Variants in ZFPM2 observed in about 807,000 individuals in gnomAD.
The protein encoded by ZFPM2 is zinc finger protein, FOG family member 2, also known as zinc finger protein ZFPM2.
A neutral mutation model predicts 98.6 loss-of-function variants in ZFPM2; 20 were observed. The ratio of observed to expected loss-of-function variants is 0.20; its 90% CI spans 0.14 to 0.29. The LOEUF is 0.29. Among genes scored for constraint, ZFPM2 ranks in the 10% least tolerant of loss-of-function variants. The probability of loss-of-function intolerance (pLI) is 1.00; values close to 1 mark genes in which losing one functional copy is unlikely to be tolerated. For synonymous variants in ZFPM2, 518 were observed against 502.7 expected, an observed-to-expected ratio of 1.03 and a Z score of -0.41; for missense variants, 1,310 against 1,388.6, an observed-to-expected ratio of 0.94 and a Z score of 0.90.
intron 5 of ZFPM2, among the ~76,000 whole-genome samples, chr8:105,696,714 TTTAAA>T (rs1811026862): frequency 6.6e-6 from 1 of 152,188 alleles, no homozygotes; most frequent in Non-Finnish European, 1.5e-5. Context: ...GAAAGACAAC[TTTAAA>T]TTATATTTCT....
intron 3 of ZFPM2, among the ~76,000 whole-genome samples, chr8:105,557,270 A>T (rs1332779698): frequency 6.6e-6 from 1 of 152,050 alleles, no homozygotes; most frequent in Non-Finnish European, 1.5e-5. Context: ...TTGTATTACC[A>T]TATACAAGGT....
At chr8:105,728,727 TTAAA>T (rs1440048380) in intron 5 of ZFPM2, among the ~76,000 whole-genome samples, 34 of 151,938 alleles carry the variant, frequency 2.2e-4, no homozygotes, top group Middle Eastern at 6.8e-3. Flanking sequence ...TATTTCATAT[TTAAA>T]TAGAGTCTTC....
rs1811953961 is a variant in ZFPM2, at chr8:105,318,698, C to G, written c.-244C>G. 1 of 151,962 alleles carries G rather than the reference C, an allele frequency of 6.6e-6. No individual in the cohort carries two copies. Among genetic ancestry groups the G allele is most frequent in the African/African-American group, 2.4e-5 (1 of 41,338 alleles). The allele number at this position is 151,962 out of a possible 1,614,324, so 9.4% of individuals were successfully genotyped here. Reference sequence around the variant, plus strand: ...TTCTCCCCCCGTCGCTCTCCTCTCCCCCTCCCCTCCTCACTGTCACACTCT... The same window carrying G: ...TTCTCCCCCCGTCGCTCTCCTCTCCGCCTCCCCTCCTCACTGTCACACTCT... On this transcript the variant is annotated 5_prime_UTR_variant, in exon 1 of 8. Transcript: ENST00000407775.
At chr8:105,549,594 CCTCTATCT>C (rs1458062786) in intron 3 of ZFPM2, among the ~76,000 whole-genome samples, 2 of 140,662 alleles carry the variant, frequency 1.4e-5, no homozygotes, top group African/African-American at 5.3e-5. Flanking sequence ...TTCTTTCCTT[CCTCTATCT>C]CTCTCTCTCT....
intron 3 of ZFPM2, among the ~76,000 whole-genome samples, chr8:105,559,671 G>A (rs1563719396): frequency 6.6e-6 from 1 of 151,926 alleles, no homozygotes; most frequent in Non-Finnish European, 1.5e-5. Context: ...TGGTTTTCAG[G>A]ATAAGCAATA....
At chr8:105,462,611 A>G (rs968736640) in intron 3 of ZFPM2, among the ~76,000 whole-genome samples, 5 of 152,132 alleles carry the variant, frequency 3.3e-5, no homozygotes, top group African/African-American at 1.2e-4. Flanking sequence ...TGGGAGTGCT[A>G]TATATATGCT....
chr8:105,694,447 A>T lies in ZFPM2; in HGVS notation c.532+60090A>T, dbSNP rs560875840. 6.6e-5 allele frequency among the ~76,000 whole-genome samples: 10 copies of T among 152,292 alleles called. No homozygotes were observed. In the South Asian group the frequency reaches 1.9e-3, roughly 28 times the overall value. The stretch of plus-strand genomic sequence containing the variant: ...AAATGTGGCTAATTTTTCTTGAATC[A>T]TTCTACCATAAAAATATCGAGCAAG... On this transcript the variant is annotated intron_variant, in intron 5 of 7. Coordinates refer to ENST00000407775, the MANE Select transcript of ZFPM2 (RefSeq NM_012082.4).
chr8:105,800,045 A>G (rs1373255670), intron 7 of ZFPM2, among the ~76,000 whole-genome samples: 2 of 152,166 alleles, frequency 1.3e-5, no homozygotes, highest in Non-Finnish European at 2.9e-5. Context: ...GATGGTGAGT[A>G]AGGTCATGTA....
intron 1 of ZFPM2, among the ~76,000 whole-genome samples, chr8:105,331,713 G>A (rs1812237085): frequency 6.6e-6 from 1 of 151,658 alleles, no homozygotes; most frequent in South Asian, 2.1e-4. Context: ...TCTAGGAAAT[G>A]GTTTTCATGA....
At chr8:105,575,802 A>G (rs978129560) in intron 4 of ZFPM2, among the ~76,000 whole-genome samples, 2 of 152,158 alleles carry the variant, frequency 1.3e-5, no homozygotes, top group Non-Finnish European at 2.9e-5. Flanking sequence ...TACATTTTAT[A>G]TACTGTGGGT....
intron 3 of ZFPM2, among the ~76,000 whole-genome samples, chr8:105,454,663 A>G (rs867873235): frequency 6.6e-5 from 10 of 152,196 alleles, no homozygotes; most frequent in African/African-American, 2.4e-4. Context: ...GCTGGTTTTC[A>G]CATTTTGTCA....
chr8:105,793,114 T>C (rs1813674669), intron 6 of ZFPM2, among the ~76,000 whole-genome samples: 2 of 152,154 alleles, frequency 1.3e-5, no homozygotes, highest in African/African-American at 4.8e-5. Flanking sequence ...TTGTGTGAAT[T>C]TGAACCTGTC....
chr8:105,686,958 C>T (rs1368323270), intron 5 of ZFPM2, among the ~76,000 whole-genome samples: 1 of 152,142 alleles, frequency 6.6e-6, no homozygotes, highest in Admixed American at 6.6e-5. Context: ...ACCCAGGCTC[C>T]CCTCTTCCTT....
intron 3 of ZFPM2, among the ~76,000 whole-genome samples, chr8:105,546,584 A>AAT (rs59796489): frequency 8.0e-6 from 1 of 124,596 alleles, no homozygotes; most frequent in Non-Finnish European, 1.7e-5. Context: ...AAAAAAAAAA[A>AAT]CAAACCCAAA....
chr8:105,441,044 A>G (rs1378530121), intron 2 of ZFPM2, among the ~76,000 whole-genome samples: 1 of 151,948 alleles, frequency 6.6e-6, no homozygotes, highest in Non-Finnish European at 1.5e-5. Flanking sequence ...AATCCCAGCT[A>G]CTTGGGAGGC....
chr8:105,418,149 A>G (rs1306051257), intron 1 of ZFPM2, among the ~76,000 whole-genome samples: 2 of 152,174 alleles, frequency 1.3e-5, no homozygotes, highest in East Asian at 3.8e-4. Flanking sequence ...ACATTTCTAA[A>G]AAGTGAGAGT....
chr8:105,592,238 T>C (rs72673761), intron 4 of ZFPM2, among the ~76,000 whole-genome samples: 24,555 of 151,302 alleles, frequency 0.16, 2,328 homozygotes, highest in Middle Eastern at 0.24. Flanking sequence ...CCTTCTTTTT[T>C]CCCCCCTGAT....
chr8:105,318,461 A>AGCGGCG lies in ZFPM2; in HGVS notation c.-471_-466dup, dbSNP rs1191608535. Among the ~76,000 whole-genome samples the AGCGGCG allele has an allele frequency of 2.7e-5, 4 of 150,342 alleles. No homozygotes were observed. In the South Asian group the frequency reaches 6.4e-4, roughly 24 times the overall value. On this transcript the variant is annotated 5_prime_UTR_variant, in exon 1 of 8. Transcript: ENST00000407775. Reference sequence around the variant, plus strand: ...GCAGAACAGGAGCTGCGCGGCCCGGAGCGGCGGCGGCGGCGCCGGAGTATC... The same window carrying AGCGGCG: ...GCAGAACAGGAGCTGCGCGGCCCGGAGCGGCGGCGGCGGCGGCGGCGCCGGAGTATC...
rs544091600 is a variant in ZFPM2, at chr8:105,471,894, G to A, written c.301+27513G>A. 3.9e-5 allele frequency among the ~76,000 whole-genome samples: 6 copies of A among 152,200 alleles called. No homozygotes were observed. The East Asian group carries it at 9.6e-4, about 24-fold the overall frequency. Reference sequence around the variant, plus strand: ...TTATCATAAAAAGAATTTAGATTAAGCTGCCAGGGTTTGACCTTCTCACAG... The same window carrying A: ...TTATCATAAAAAGAATTTAGATTAAACTGCCAGGGTTTGACCTTCTCACAG... On this transcript the variant is annotated intron_variant, in intron 3 of 7. Coordinates refer to ENST00000407775, the MANE Select transcript of ZFPM2 (RefSeq NM_012082.4).
Sources: allele counts gnomAD v4.1 joint callset (sites outside exome capture counted in the v4.1 genomes callset), GRCh38; gene constraint gnomAD v4.1.1; transcripts MANE v1.5; gene names NCBI Gene and HGNC (gene_info 2026-07-23, HGNC 2026-07-21).